Variants in GRID2 observed in about 807,000 individuals in gnomAD.
GRID2 encodes glutamate receptor ionotropic, delta-2.
Under a neutral mutation model 114.8 loss-of-function variants are expected in GRID2, and 33 were observed. The observed-to-expected ratio is 0.29, with a 90% CI of 0.22 to 0.38. The LOEUF is 0.38. GRID2 is among the 10% of genes least tolerant of loss of function. The pLI, the probability that GRID2 is intolerant of heterozygous loss-of-function variation, is 1.00. For synonymous variants in GRID2, 505 were observed against 449.9 expected, an observed-to-expected ratio of 1.12 and a Z score of -1.55; for missense variants, 1,184 against 1,257.7, an observed-to-expected ratio of 0.94 and a Z score of 0.89.
chr4:93,355,271 G>T (rs1761223019), intron 8 of GRID2, among the ~76,000 whole-genome samples: 1 of 151,982 alleles, frequency 6.6e-6, no homozygotes, highest in African/African-American at 2.4e-5. Context: ...CTCAGTGAGG[G>T]GGGTTTCCAC....
intron 1 of GRID2, among the ~76,000 whole-genome samples, chr4:92,359,986 G>A (rs1222335209): frequency 1.3e-5 from 2 of 151,928 alleles, no homozygotes; most frequent in African/African-American, 4.8e-5. Flanking sequence ...TATCTGAATT[G>A]TATTTCTTTG....
At chr4:93,409,673 T>A (rs186741491) in intron 9 of GRID2, among the ~76,000 whole-genome samples, 2 of 152,168 alleles carry the variant, frequency 1.3e-5, no homozygotes, top group South Asian at 2.1e-4. Flanking sequence ...TTATCAACCA[T>A]GTAGTTTCTG....
intron 2 of GRID2, among the ~76,000 whole-genome samples, chr4:92,881,187 GC>G (rs1745985857): frequency 6.6e-6 from 1 of 152,172 alleles, no homozygotes; most frequent in African/African-American, 2.4e-5. Context: ...ACAGGCGTGA[GC>G]CACCCAGCTC....
chr4:93,483,201 CTAATATTTATTTACATTT>C (rs1426848236), intron 11 of GRID2, among the ~76,000 whole-genome samples: 5 of 151,846 alleles, frequency 3.3e-5, no homozygotes, highest in Non-Finnish European at 7.4e-5. Flanking sequence ...GTAAAACACG[CTAATATTTATTTACATTT>C]TAATTGATCA....
intron 4 of GRID2, among the ~76,000 whole-genome samples, chr4:93,161,223 C>T (rs1560939655): frequency 6.6e-6 from 1 of 151,844 alleles, no homozygotes; most frequent in Non-Finnish European, 1.5e-5. Flanking sequence ...GAGAGAGATT[C>T]TGAGAAACTT....
At chr4:93,788,466 A>C (rs184678939) in intron 1 of GRID2, among the ~76,000 whole-genome samples, 119 of 152,330 alleles carry the variant, frequency 7.8e-4, no homozygotes, top group African/African-American at 2.7e-3. Context: ...TTAATCTAAT[A>C]ATTTCACAAT....
chr4:93,289,610 A>G (rs1016952518), intron 8 of GRID2, among the ~76,000 whole-genome samples: 5 of 152,242 alleles, frequency 3.3e-5, no homozygotes, highest in Non-Finnish European at 7.3e-5. Flanking sequence ...TAATGAAAAC[A>G]TATACATATG....
At chr4:93,416,685 C>T (rs1169066835) in intron 9 of GRID2, among the ~76,000 whole-genome samples, 6 of 152,036 alleles carry the variant, frequency 3.9e-5, no homozygotes, top group Non-Finnish European at 5.9e-5. Flanking sequence ...TAGGAATTAA[C>T]GGCAAAATCT....
chr4:92,571,079 G>A (rs1287023896), intron 1 of GRID2, among the ~76,000 whole-genome samples: 1 of 151,974 alleles, frequency 6.6e-6, no homozygotes, highest in Non-Finnish European at 1.5e-5. Flanking sequence ...TATTGGCTGT[G>A]GGTATAGCAT....
chr4:92,541,267 A>C (rs2149162793), intron 1 of GRID2, among the ~76,000 whole-genome samples: 1 of 152,176 alleles, frequency 6.6e-6, no homozygotes, highest in Non-Finnish European at 1.5e-5. Context: ...CATTGTGCAC[A>C]TGTACCCTTA....
At chr4:93,344,855 A>T (rs1760046879) in intron 8 of GRID2, among the ~76,000 whole-genome samples, 1 of 151,850 alleles carries the variant, frequency 6.6e-6, no homozygotes, top group African/African-American at 2.4e-5. Flanking sequence ...GATTCCACAT[A>T]TAAGTGAGAT....
intron 14 of GRID2, among the ~76,000 whole-genome samples, chr4:93,647,030 A>G (rs1722172115): frequency 6.6e-6 from 1 of 152,146 alleles, no homozygotes; most frequent in Non-Finnish European, 1.5e-5. Flanking sequence ...AATTCAGGAG[A>G]AAACAAAATA....
intron 2 of GRID2, among the ~76,000 whole-genome samples, chr4:92,894,928 G>A (rs1690562676): frequency 6.6e-6 from 1 of 151,996 alleles, no homozygotes; most frequent in African/African-American, 2.4e-5. Context: ...ATAGAATTAA[G>A]ATCAGTAAAG....
intron 2 of GRID2, among the ~76,000 whole-genome samples, chr4:92,605,927 C>T (rs1729430850): frequency 6.6e-6 from 1 of 152,162 alleles, no homozygotes; most frequent in African/African-American, 2.4e-5. Context: ...GGCATGGAGA[C>T]TTTTTTACTG....
intron 12 of GRID2, among the ~76,000 whole-genome samples, chr4:93,493,535 A>ATTCTTTTTTT (rs1287390442): frequency 2.2e-5 from 3 of 138,220 alleles, no homozygotes; most frequent in African/African-American, 8.3e-5. Context: ...TACCTGTCAA[A>ATTCTTTTTTT]TTCTTTTTTT....
chr4:93,452,875 T>C lies in GRID2; in HGVS notation c.1546-2787T>C, dbSNP rs1311590538. Among the ~76,000 whole-genome samples, 3 of 152,032 alleles carry C rather than the reference T, an allele frequency of 2.0e-5. 1 individual carries two copies. The highest frequency in any genetic ancestry group is 2.0e-4 in the Admixed American group (3 of 15,256). The stretch of plus-strand genomic sequence containing the variant: ...GAAGTTTTAGAACTGTCTTTCTGAA[T>C]TAGTGGTCCTTGGCCTTTTTTTTTT... On this transcript the variant is annotated intron_variant, in intron 10 of 15. Transcript: ENST00000282020.
chr4:93,623,634 A>G (rs946772759), intron 13 of GRID2, among the ~76,000 whole-genome samples: 2 of 152,220 alleles, frequency 1.3e-5, no homozygotes, highest in Non-Finnish European at 2.9e-5. Flanking sequence ...GCACATATAC[A>G]CTATGGAATA....
At chr4:92,896,771 C>G (rs148254489) in intron 2 of GRID2, among the ~76,000 whole-genome samples, 2,409 of 152,166 alleles carry the variant, frequency 0.016, 69 homozygotes, top group African/African-American at 0.055. Context: ...GAGACGGAGT[C>G]TCGCTCTGTC....
chr4:93,742,459 G>A lies in GRID2; in HGVS notation c.2361-26751G>A, dbSNP rs142913198. Among the ~76,000 whole-genome samples the A allele has an allele frequency of 1.9e-4, 29 of 152,288 alleles. 1 individual carries two copies. The highest frequency in any genetic ancestry group is 6.7e-4 in the African/African-American group (28 of 41,560). On this transcript the variant is annotated intron_variant, in intron 14 of 15. Coordinates refer to ENST00000282020, the MANE Select transcript of GRID2 (RefSeq NM_001510.4). ...TCGGTTATTGTAAGCTACAATACAAGCATATGTGGTTTTACTGCACTTTGC... is the reference window on the plus strand; with the variant it reads ...TCGGTTATTGTAAGCTACAATACAAACATATGTGGTTTTACTGCACTTTGC...
Sources: gnomAD v4.1 joint callset for allele counts (sites outside exome capture counted in the v4.1 genomes callset) on GRCh38, gnomAD v4.1.1 for gene constraint, MANE v1.5 for transcripts, NCBI Gene and HGNC (gene_info 2026-07-23, HGNC 2026-07-21) for gene names.